Variants in ZNF273 observed in about 807,000 individuals in gnomAD.
ZNF273 encodes the protein zinc finger protein 273, also known as zinc finger protein 9.
ZNF273 carries 11 observed loss-of-function variants against 14.9 expected under a neutral mutation model. That is an observed-to-expected ratio of 0.74 (90% CI 0.46 to 1.22). The LOEUF is 1.22. Ranked by LOEUF, ZNF273 falls within the 50% of genes most tolerant of loss-of-function variation. The probability of loss-of-function intolerance (pLI) is 0.00; values close to 1 mark genes in which losing one functional copy is unlikely to be tolerated. For missense variants in ZNF273, 577 were observed against 660.6 expected (o/e 0.87, Z 1.39); for synonymous variants, 199 against 223.9 (o/e 0.89, Z 0.99).
Position 64,927,505 on chromosome 7 carries a change from C to T in ZNF273, c.326-149C>T. The T allele has an allele frequency of 4.7e-6, 3 of 640,992 alleles. No homozygotes were observed. The Admixed American group carries it at 1.0e-4, about 22-fold the overall frequency. The allele number at this position is 640,992 out of a possible 1,614,324, so 39.7% of individuals were successfully genotyped here. On this transcript the variant is annotated intron_variant, in intron 3 of 3. Transcript: ENST00000476120. The stretch of plus-strand genomic sequence containing the variant: ...TATCTTGGTCAGTATGTTTTTGTTA[C>T]ATTGATATGTCTGTGAAGGAATTAG...
downstream of ZNF273, among the ~76,000 whole-genome samples, chr7:64,890,650 G>A (rs1202711157): frequency 6.6e-6 from 1 of 152,226 alleles, no homozygotes; most frequent in African/African-American, 2.4e-5. Flanking sequence ...TTTCTCTGAG[G>A]AAATATTCCA....
At chr7:64,884,782 C>T (rs752163593) in intron 1 of ZNF273, among the ~76,000 whole-genome samples, 9 of 152,350 alleles carry the variant, frequency 5.9e-5, no homozygotes, top group Non-Finnish European at 1.2e-4. Flanking sequence ...AAGTTCCCAG[C>T]GCCCACCTCA....
downstream of ZNF273, chr7:64,889,348 C>T: frequency 1.0e-6 from 1 of 961,008 alleles, no homozygotes; most frequent in Non-Finnish European, 1.2e-6. The surrounding 1 kb of genome is among the most constrained non-coding windows in gnomAD (Gnocchi z 4.2). Flanking sequence ...GCCCCAACAG[C>T]TGGTGCTGAG....
At chr7:64,921,711 C>T (rs1006722323) in intron 3 of ZNF273, among the ~76,000 whole-genome samples, 4 of 139,272 alleles carry the variant, frequency 2.9e-5, no homozygotes, top group African/African-American at 5.2e-5. Flanking sequence ...CTGCAATCTC[C>T]GCCTCCCAGG....
rs77022813 is a variant in ZNF273 at position 64,905,660 on chromosome 7, C to G, written c.102+2241C>G. Among the ~76,000 whole-genome samples the G allele has an allele frequency of 9.2e-3, 1,395 of 152,196 alleles. 15 individuals carry two copies. Among genetic ancestry groups the G allele is most frequent in the African/African-American group, 0.032 (1,326 of 41,534 alleles). ...GTGAGATGGTGCAAGAACTTGCAAA[C>G]TAAAATGCATCTGGAGCAGTAACTG... On this transcript the variant is annotated intron_variant, in intron 1 of 3. Coordinates refer to ENST00000476120, the MANE Select transcript of ZNF273 (RefSeq NM_021148.3).
At chr7:64,891,314 T>C (rs763389786), downstream of ZNF273, among the ~76,000 whole-genome samples, 5 of 152,220 alleles carry the variant, frequency 3.3e-5, no homozygotes, top group Non-Finnish European at 5.9e-5. Context: ...AGCCTCAGCA[T>C]GAGAAGATGG....
At chr7:64,902,013 C>T (rs1792749459), upstream of ZNF273, among the ~76,000 whole-genome samples, 1 of 149,694 alleles carries the variant, frequency 6.7e-6, no homozygotes, top group Non-Finnish European at 1.5e-5. Flanking sequence ...CACTTGAGGT[C>T]ATGTATAATA....
intron 2 of ZNF273, among the ~76,000 whole-genome samples, chr7:64,879,032 G>A (rs1002716057): frequency 6.6e-6 from 1 of 152,196 alleles, no homozygotes; most frequent in Admixed American, 6.5e-5. Flanking sequence ...CCATCAAAGG[G>A]CTACATGATT....
downstream of ZNF273, among the ~76,000 whole-genome samples, chr7:64,893,108 TA>T (rs1792134904): frequency 3.1e-4 from 2 of 6,428 alleles, no homozygotes; most frequent in Non-Finnish European, 1.5e-3. Flanking sequence ...TCTTTGTTAG[TA>T]AAGAAAAAAA....
chr7:64,935,746 T>A (rs1795054447), downstream of ZNF273, among the ~76,000 whole-genome samples: 1 of 152,186 alleles, frequency 6.6e-6, no homozygotes, highest in Non-Finnish European at 1.5e-5. Flanking sequence ...GGTCTGGAAC[T>A]CCTGACCTCC....
At chr7:64,890,758 T>C (rs1791977665), downstream of ZNF273, among the ~76,000 whole-genome samples, 1 of 150,476 alleles carries the variant, frequency 6.6e-6, no homozygotes, top group African/African-American at 2.5e-5. Context: ...GTGGTTTGTA[T>C]CAGTGTCCCC....
At chr7:64,908,871 A>G in intron 1 of ZNF273, among the ~76,000 whole-genome samples, 1 of 152,168 alleles carries the variant, frequency 6.6e-6, no homozygotes, top group Admixed American at 6.5e-5. Context: ...AGGGCCACAC[A>G]GTATTTCATG....
chr7:64,928,518 C>G lies in ZNF273; in HGVS notation c.1190C>G (p.Thr397Ser), dbSNP rs1217533178. 1.2e-6 allele frequency: 2 copies of G among 1,613,742 alleles called. No individual in the cohort carries two copies. The highest frequency in any genetic ancestry group is 1.7e-6 in the Non-Finnish European group (2 of 1,179,918). ...CTTACTAGACATAAGATAGTTCATA[C>G]TGGAGAGAAACCCTACAAATGTGAA... ...STLTRHKIVH[T>S]GEKPYKCEEC... is the part of the protein sequence containing the mutation. The change falls in exon 4 of 4, where the codon ACT becomes AGT. Residue 397 changes from threonine (T) to serine (S), a missense_variant. Thr to Ser is a moderately conservative substitution (Grantham distance 58). Around this residue, in one of 3 missense-constraint regions of ZNF273, gnomAD observed 411 missense variants for 440.4 expected, o/e 0.93. Coordinates refer to ENST00000476120, the MANE Select transcript of ZNF273 (RefSeq NM_021148.3).
chr7:64,908,105 C>A (rs1793245614), intron 1 of ZNF273, among the ~76,000 whole-genome samples: 1 of 152,228 alleles, frequency 6.6e-6, no homozygotes, highest in Non-Finnish European at 1.5e-5. Flanking sequence ...GCAGTAGCAA[C>A]CTGCTTCCTC....
At chr7:64,898,983 C>G (rs1378481990), upstream of ZNF273, among the ~76,000 whole-genome samples, 1 of 152,170 alleles carries the variant, frequency 6.6e-6, no homozygotes, top group Non-Finnish European at 1.5e-5. Flanking sequence ...AATTGAGAGA[C>G]TAGATTTGCA....
At chr7:64,900,633 A>G (rs1189746005), upstream of ZNF273, among the ~76,000 whole-genome samples, 1 of 152,204 alleles carries the variant, frequency 6.6e-6, no homozygotes, top group East Asian at 1.9e-4. Context: ...GCTGCTGGCC[A>G]GGCAGAGAAT....
At chr7:64,888,660 G>C in exon 2 of ZNF273, 1 of 985,852 alleles carries the variant, frequency 1.0e-6, no homozygotes, top group East Asian at 1.1e-4. Flanking sequence ...CCTGACCAGG[G>C]GGCCGCGTCT....
Position 64,928,890 on chromosome 7 carries a change from A to T in ZNF273, c.1562A>T (p.Lys521Ile). The stretch of plus-strand genomic sequence containing the variant: ...CCCTACAAATGTGAAGAATGTGGCA[A>T]AGCTTTTAACCGGTCCTCAAACCTT... ...EKPYKCEECG[K>I]AFNRSSNLTR... Residue 521 changes from lysine to isoleucine, a missense_variant, in exon 4 of 4, where the codon AAA (lysine) becomes ATA (isoleucine). Coordinates refer to ENST00000476120, the MANE Select transcript of ZNF273 (RefSeq NM_021148.3). The T allele has an allele frequency of 6.2e-7, 1 of 1,614,008 alleles. No individual in the cohort carries two copies. Among genetic ancestry groups the T allele is most frequent in the South Asian group, 1.1e-5 (1 of 91,072 alleles).
intron 1 of ZNF273, among the ~76,000 whole-genome samples, chr7:64,914,288 T>G (rs1793794755): frequency 6.8e-6 from 1 of 147,168 alleles, no homozygotes. Context: ...CCACCCACCT[T>G]GGCCTCCCAA....
Sources: allele counts gnomAD v4.1 joint callset (sites outside exome capture counted in the v4.1 genomes callset), GRCh38; gene constraint gnomAD v4.1.1; regional missense constraint gnomAD v4.1.1; non-coding constraint Gnocchi (gnomAD v3.1); transcripts MANE v1.5; gene names NCBI Gene and HGNC (gene_info 2026-07-23, HGNC 2026-07-21).